FOCAD: variants seen among roughly 807,000 people sequenced by gnomAD.
FOCAD encodes the protein focadhesin.
FOCAD carries 198 observed loss-of-function variants against 225.6 expected under a neutral mutation model. The ratio of observed to expected loss-of-function variants is 0.88; its 90% CI spans 0.78 to 0.99. The LOEUF (loss-of-function observed/expected upper bound fraction) is 0.99. FOCAD is among the 50% of genes least tolerant of loss of function. The probability of loss-of-function intolerance (pLI) is 0.00; values close to 1 mark genes in which losing one functional copy is unlikely to be tolerated. For synonymous variants in FOCAD, 897 were observed against 755.0 expected (o/e 1.19, Z -3.08); for missense variants, 2,713 against 2,123.6 (o/e 1.28, Z -5.46).
intron 42 of FOCAD, 86 bp downstream of exon 42, chr9:20,990,460 G>C: frequency 6.7e-7 from 1 of 1,485,686 alleles, no homozygotes; most frequent in East Asian, 2.4e-5. Flanking sequence ...TGGGAGTTAA[G>C]TGCGTCTTGA....
At chr9:20,960,211 G>C (rs749379324) in intron 35 of FOCAD, among the ~76,000 whole-genome samples, 1 of 152,188 alleles carries the variant, frequency 6.6e-6, no homozygotes, top group Non-Finnish European at 1.5e-5. Flanking sequence ...TTTATACAAT[G>C]CTCTTTAATT....
chr9:20,849,415 A>G (rs896057185), intron 15 of FOCAD, among the ~76,000 whole-genome samples: 2 of 150,964 alleles, frequency 1.3e-5, no homozygotes, highest in African/African-American at 4.9e-5. Context: ...CTATTGTTAT[A>G]TTATAGATGT....
intron 15 of FOCAD, among the ~76,000 whole-genome samples, chr9:20,840,822 G>T (rs1375436659): frequency 6.6e-6 from 1 of 151,838 alleles, no homozygotes; most frequent in African/African-American, 2.4e-5. Flanking sequence ...AAGAATTTCA[G>T]CTTTCCCTCA....
intron 39 of FOCAD, among the ~76,000 whole-genome samples, chr9:20,985,837 C>T (rs1451196734): frequency 2.6e-5 from 4 of 152,122 alleles, no homozygotes; most frequent in Non-Finnish European, 5.9e-5. Flanking sequence ...ACAATGAATA[C>T]TAGTACACTT....
intron 23 of FOCAD, 112 bp from the exon 24 acceptor site, chr9:20,916,781 A>T: frequency 1.1e-6 from 1 of 904,508 alleles, no homozygotes; most frequent in Non-Finnish European, 1.7e-6. Flanking sequence ...CTACCTGTAT[A>T]GTTTTAAGAT....
chr9:20,794,857 G>A lies in FOCAD; in HGVS notation c.1455+5249G>A, dbSNP rs16938173. 1.8e-3 allele frequency among the ~76,000 whole-genome samples: 278 copies of A among 151,916 alleles called. 1 individual carries two copies. Among genetic ancestry groups the A allele is most frequent in the Middle Eastern group, 6.8e-3 (2 of 292 alleles). On this transcript the variant is annotated intron_variant, in intron 11 of 43. Coordinates refer to ENST00000338382, the MANE Select transcript of FOCAD (RefSeq NM_001375567.1). ...ATTATTCTGTCTTTTGTGAGTAATG[G>A]CAATAAAGCCCTTTTTAGATTTGTG...
At chr9:20,684,107 G>GCCCGGGCCTTAGACGCGCGTGCGCGC (rs1822505321), upstream of FOCAD, 1 of 152,344 alleles carries the variant, frequency 6.6e-6, no homozygotes, top group Non-Finnish European at 1.5e-5. Flanking sequence ...GCAGTGCGCG[G>GCCCGGGCCTTAGACGCGCGTGCGCGC]CCCGGGCCTT....
intron 35 of FOCAD, among the ~76,000 whole-genome samples, chr9:20,961,213 C>T (rs542261391): frequency 6.6e-6 from 1 of 151,460 alleles, no homozygotes; most frequent in African/African-American, 2.4e-5. Context: ...TTCTCTCCCT[C>T]TCTCTCTCTG....
At chr9:20,779,307 A>C (rs922044065) in intron 9 of FOCAD, among the ~76,000 whole-genome samples, 35 of 152,264 alleles carry the variant, frequency 2.3e-4, no homozygotes, top group Non-Finnish European at 4.7e-4. Flanking sequence ...CGGGCAAATA[A>C]GTCATACTTT....
intron 11 of FOCAD, among the ~76,000 whole-genome samples, chr9:20,794,633 A>G (rs1179437723): frequency 1.3e-5 from 2 of 152,212 alleles, no homozygotes; most frequent in South Asian, 2.1e-4. Context: ...TATCAATACC[A>G]TAATATGTTT....
chr9:20,844,386 A>G (rs1189140289), intron 15 of FOCAD, among the ~76,000 whole-genome samples: 2 of 116,776 alleles, frequency 1.7e-5, no homozygotes, highest in Non-Finnish European at 3.3e-5. Context: ...GTTGAGACAG[A>G]GTCTCACTGT....
At chr9:20,705,117 A>G (rs1285015622) in intron 1 of FOCAD, among the ~76,000 whole-genome samples, 1 of 152,198 alleles carries the variant, frequency 6.6e-6, no homozygotes, top group African/African-American at 2.4e-5. Context: ...TGGGGGTTGA[A>G]TGAGTTAATA....
chr9:20,771,468 G>A (rs1818219145), intron 8 of FOCAD, among the ~76,000 whole-genome samples: 1 of 152,140 alleles, frequency 6.6e-6, no homozygotes, highest in Non-Finnish European at 1.5e-5. Flanking sequence ...CAACAAAAAT[G>A]TATTTATTGG....
intron 21 of FOCAD, among the ~76,000 whole-genome samples, chr9:20,891,863 T>C (rs1197437134): frequency 6.6e-6 from 1 of 152,206 alleles, no homozygotes; most frequent in Non-Finnish European, 1.5e-5. Flanking sequence ...TGGCAGAAGA[T>C]GCCTTGTAGA....
intron 29 of FOCAD, 34 bp from the exon 30 acceptor site, chr9:20,946,667 G>C (rs745620545): frequency 3.1e-6 from 5 of 1,588,020 alleles, no homozygotes; most frequent in Non-Finnish European, 4.3e-6. Context: ...TTTTCCTCCT[G>C]AAGACATATT....
rs1300283980 is a variant in FOCAD at position 20,949,674 on chromosome 9, A to G, written c.3947A>G (p.Gln1316Arg). Residue 1316 changes from glutamine to arginine, a missense_variant and splice_region_variant, in exon 33 of 44, where the codon CAG becomes CGG. Transcript: ENST00000338382. Reference protein sequence around the residue: ...RLNEVIRTLTQVISVSGVIGL... With the variant: ...RLNEVIRTLTRVISVSGVIGL... Reference sequence around the variant, plus strand: ...AATGAAGTCATTAGAACCTTAACTCAGGTGAGAAAATGAATTTAAAATCCT... The same window carrying G: ...AATGAAGTCATTAGAACCTTAACTCGGGTGAGAAAATGAATTTAAAATCCT... 2 of 1,610,540 alleles carry G rather than the reference A, an allele frequency of 1.2e-6. No individual in the cohort carries two copies. Among genetic ancestry groups the G allele is most frequent in the Non-Finnish European group, 1.7e-6 (2 of 1,177,266 alleles).
chr9:20,733,782 G>A (rs1826910031), intron 4 of FOCAD, among the ~76,000 whole-genome samples: 1 of 152,110 alleles, frequency 6.6e-6, no homozygotes, highest in Non-Finnish European at 1.5e-5. Flanking sequence ...CAGAAGGATT[G>A]CTTGAAGCCA....
At chr9:20,782,162 G>C (rs1819449257) in intron 10 of FOCAD, among the ~76,000 whole-genome samples, 1 of 152,128 alleles carries the variant, frequency 6.6e-6, no homozygotes. Context: ...TGAAAATCCA[G>C]TGCACAATAC....
chr9:20,685,719 TTAGG>T (rs1168976664), intron 1 of FOCAD, among the ~76,000 whole-genome samples: 2 of 152,240 alleles, frequency 1.3e-5, no homozygotes, highest in African/African-American at 4.8e-5. Context: ...TTAATCAATG[TTAGG>T]TAGTTACCAT....
Sources: allele counts gnomAD v4.1 joint callset (sites outside exome capture counted in the v4.1 genomes callset), GRCh38; gene constraint gnomAD v4.1.1; transcripts MANE v1.5; gene names NCBI Gene and HGNC (gene_info 2026-07-23, HGNC 2026-07-21).